The following GTF2I variants were observed in gnomAD, a reference collection of about 807,000 sequenced individuals.
GTF2I encodes the protein general transcription factor IIi.
GTF2I carries 12 observed loss-of-function variants against 67.6 expected under a neutral mutation model. The ratio of observed to expected loss-of-function variants is 0.18; its 90% CI spans 0.11 to 0.29. The LOEUF is 0.29. Among genes scored for constraint, GTF2I ranks in the 10% least tolerant of loss-of-function variants. The probability of loss-of-function intolerance (pLI) is 1.00; values close to 1 mark genes in which losing one functional copy is unlikely to be tolerated. For missense variants in GTF2I, 271 were observed against 580.1 expected (o/e 0.47, Z 5.47); for synonymous variants, 149 against 197.0 (o/e 0.76, Z 2.04).
chr7:74,691,077 C>T lies in GTF2I; in HGVS notation c.204C>T (p.Thr68=). ...GTERGRAFVN[T]RKDFQKDFVK... ...AAAGAGGACGTGCTTTTGTCAATACCAGAAAGGATTTTCAAAAAGATTTTG... is the reference window on the plus strand; with the variant it reads ...AAAGAGGACGTGCTTTTGTCAATACTAGAAAGGATTTTCAAAAAGATTTTG... Residue 68 remains threonine (T), a synonymous_variant, in exon 3 of 35, where the codon ACC becomes ACT. Transcript: ENST00000573035. 1 of 1,609,148 alleles carries T rather than the reference C, an allele frequency of 6.2e-7. No individual in the cohort carries two copies. Among genetic ancestry groups the T allele is most frequent in the Non-Finnish European group, 8.5e-7 (1 of 1,176,878 alleles).
intron 2 of GTF2I, among the ~76,000 whole-genome samples, chr7:74,690,468 C>T (rs782589738): frequency 2.0e-5 from 3 of 152,126 alleles, no homozygotes; most frequent in African/African-American, 4.8e-5. Flanking sequence ...TGTGTGTACA[C>T]AGGGGAATAC....
intron 7 of GTF2I, 39 bp from the exon 8 acceptor site, chr7:74,706,351 C>T: frequency 6.3e-7 from 1 of 1,586,796 alleles, no homozygotes; most frequent in East Asian, 2.2e-5. Context: ...ATGGCTGTCA[C>T]CAGCACGTGG....
chr7:74,704,290 T>TTATTTATTTATG (rs1790286219), intron 6 of GTF2I, among the ~76,000 whole-genome samples: 1 of 150,590 alleles, frequency 6.6e-6, no homozygotes, highest in Non-Finnish European at 1.5e-5. Context: ...ATTTATTTAT[T>TTATTTATTTATG]TATTTTTTTA....
intron 8 of GTF2I, among the ~76,000 whole-genome samples, chr7:74,709,919 C>T (rs587619665): frequency 2.6e-5 from 4 of 152,212 alleles, no homozygotes; most frequent in Admixed American, 2.0e-4. Flanking sequence ...GTGATTCGCC[C>T]GCCTGGACCT....
intron 12 of GTF2I, among the ~76,000 whole-genome samples, chr7:74,722,349 C>T (rs190669537): frequency 7.2e-5 from 11 of 152,232 alleles, no homozygotes; most frequent in East Asian, 3.9e-4. Flanking sequence ...CCTCAGTTTT[C>T]GTAAACACCG....
intron 1 of GTF2I, among the ~76,000 whole-genome samples, chr7:74,686,457 A>T (rs1481444796): frequency 6.6e-6 from 1 of 152,196 alleles, no homozygotes; most frequent in African/African-American, 2.4e-5. Flanking sequence ...TGGCAATATG[A>T]CCTTGACAAA....
chr7:74,706,223 A>G (rs1790660501), intron 7 of GTF2I, among the ~76,000 whole-genome samples, 167 bp from the exon 8 acceptor site: 1 of 152,124 alleles, frequency 6.6e-6, no homozygotes, highest in South Asian at 2.1e-4. Context: ...CGGCCCAATA[A>G]CTCTTATTTA....
chr7:74,670,591 G>A (rs1221178025), intron 1 of GTF2I, among the ~76,000 whole-genome samples: 1 of 151,172 alleles, frequency 6.6e-6, no homozygotes, highest in Non-Finnish European at 1.5e-5. Flanking sequence ...CCAGGTACTC[G>A]AGGCAGGAGA....
intron 1 of GTF2I, among the ~76,000 whole-genome samples, chr7:74,662,896 G>T (rs1289297856): frequency 1.3e-5 from 2 of 152,052 alleles, no homozygotes; most frequent in African/African-American, 4.8e-5. Context: ...GTTTACAGTT[G>T]ATGACCCCCC....
chr7:74,722,678 T>C (rs1418125340), intron 12 of GTF2I: 1 of 152,168 alleles, frequency 6.6e-6, no homozygotes, highest in Non-Finnish European at 1.5e-5. Context: ...CTCTGGCTTT[T>C]TTATTTCTCA....
intron 1 of GTF2I, among the ~76,000 whole-genome samples, chr7:74,681,686 C>T (rs1452777663): frequency 2.0e-5 from 3 of 152,132 alleles, no homozygotes; most frequent in Non-Finnish European, 4.4e-5. Context: ...CCAAAGCAGA[C>T]GGATCAACTG....
intron 1 of GTF2I, among the ~76,000 whole-genome samples, chr7:74,669,734 T>C (rs1006565169): frequency 3.3e-5 from 5 of 152,134 alleles, no homozygotes; most frequent in Non-Finnish European, 5.9e-5. Context: ...GGTTTCACCA[T>C]ATTGGCCAGG....
At chr7:74,684,986 CTGGGGTTTAACT>C in intron 1 of GTF2I, 1 of 152,228 alleles carries the variant, frequency 6.6e-6, no homozygotes, top group Middle Eastern at 3.4e-3. Context: ...TAACTACTTT[CTGGGGTTTAACT>C]TTCTGGGGTT....
intron 8 of GTF2I, 124 bp downstream of exon 8, chr7:74,706,557 T>C: frequency 2.9e-6 from 2 of 691,184 alleles, no homozygotes; most frequent in Admixed American, 2.4e-5. Flanking sequence ...ACTACTAATG[T>C]ATTCCAACTG....
intron 1 of GTF2I, among the ~76,000 whole-genome samples, chr7:74,680,986 C>T (rs1554393986): frequency 6.6e-6 from 1 of 152,170 alleles, no homozygotes; most frequent in East Asian, 1.9e-4. Flanking sequence ...GAAGGCATCA[C>T]ATATACAGTA....
intron 3 of GTF2I, among the ~76,000 whole-genome samples, chr7:74,695,509 G>T (rs1465664541): frequency 6.6e-6 from 1 of 152,162 alleles, no homozygotes; most frequent in African/African-American, 2.4e-5. Flanking sequence ...AAGGTCTAAA[G>T]TTAAACTTCT....
chr7:74,662,200 CTTTCTTTTTTTT>C (rs1271758182), intron 1 of GTF2I, among the ~76,000 whole-genome samples: 7 of 99,936 alleles, frequency 7.0e-5, no homozygotes, highest in Admixed American at 2.7e-4. Flanking sequence ...TAGGTTTTTT[CTTTCTTTTTTTT>C]TTTTTTTTTT....
intron 1 of GTF2I, among the ~76,000 whole-genome samples, chr7:74,678,833 G>A (rs587646278): frequency 4.9e-4 from 75 of 152,154 alleles, no homozygotes; most frequent in South Asian, 1.2e-3. Flanking sequence ...GTGCAGTGGC[G>A]CGATCTCGGC....
chr7:74,661,036 AATTCT>A (rs1804439193), intron 1 of GTF2I, among the ~76,000 whole-genome samples: 1 of 152,180 alleles, frequency 6.6e-6, no homozygotes, highest in African/African-American at 2.4e-5. Context: ...ACAAGTCTGT[AATTCT>A]ATTCTATAGA....
Sources: gnomAD v4.1 joint callset for allele counts (sites outside exome capture counted in the v4.1 genomes callset) on GRCh38, gnomAD v4.1.1 for gene constraint, MANE v1.5 for transcripts, NCBI Gene and HGNC (gene_info 2026-07-23, HGNC 2026-07-21) for gene names.